The following SMG1 variants were observed in gnomAD, a reference collection of about 807,000 sequenced individuals.
The protein encoded by SMG1 is serine/threonine-protein kinase SMG1.
Under a neutral mutation model 419.9 loss-of-function variants are expected in SMG1, and 22 were observed. The ratio of observed to expected loss-of-function variants is 0.05; its 90% CI spans 0.04 to 0.07. The LOEUF (loss-of-function observed/expected upper bound fraction) is 0.07. SMG1 is among the 10% of genes least tolerant of loss of function. The probability of loss-of-function intolerance (pLI) is 1.00; values close to 1 mark genes in which losing one functional copy is unlikely to be tolerated. For missense variants in SMG1, 3,185 were observed against 4,342.0 expected (o/e 0.73, Z 7.49); for synonymous variants, 1,538 against 1,553.5 (o/e 0.99, Z 0.23).
intron 1 of SMG1, among the ~76,000 whole-genome samples, chr16:18,922,768 C>A (rs1476943400): frequency 6.6e-6 from 1 of 152,034 alleles, no homozygotes; most frequent in Non-Finnish European, 1.5e-5. Flanking sequence ...GTGTGAGCCA[C>A]TGCCCCCGGC....
chr16:18,857,389 G>T (rs554581827), intron 29 of SMG1: 1 of 152,066 alleles, frequency 6.6e-6, no homozygotes, highest in Non-Finnish European at 1.5e-5. Flanking sequence ...TATTCATAGC[G>T]CATTTTACGT....
intron 1 of SMG1, among the ~76,000 whole-genome samples, chr16:18,910,387 T>C (rs2141958355): frequency 6.6e-6 from 1 of 151,990 alleles, no homozygotes; most frequent in South Asian, 2.1e-4. Flanking sequence ...TGCACCACCA[T>C]GCCCAGCTAA....
At position 18,896,938 on chromosome 16, in the gene SMG1, G is replaced by A. The variant is rs1454809815; in HGVS notation, c.111C>T (p.Ala37=). The change falls in exon 2 of 63, where the codon GCC becomes GCT. Residue 37 remains alanine (A), a synonymous_variant. Transcript: ENST00000446231. ...AAGAATATTTTAAATTATCTGGGTC[G>A]GCTGATGCACTATCAGTTCTATAAA... is the stretch of plus-strand genomic sequence containing the variant. ...DWQPRTDSAS[A]DPDNLKYSSS... 7.6e-6 allele frequency: 12 copies of A among 1,572,020 alleles called. No homozygotes were observed. The highest frequency in any genetic ancestry group is 5.5e-5 in the Admixed American group (3 of 54,180).
At chr16:18,816,561 G>C in intron 57 of SMG1, 32 bp from the exon 58 acceptor site, 1 of 1,568,056 alleles carries the variant, frequency 6.4e-7, no homozygotes, top group South Asian at 1.1e-5. Flanking sequence ...TTGACTTCGA[G>C]TATCAGCTGA....
Position 18,921,778 on chromosome 16 carries a change from T to C in SMG1, c.92+4172A>G, listed in dbSNP as rs1337684203. 3.9e-5 allele frequency among the ~76,000 whole-genome samples: 6 copies of C among 152,352 alleles called. No homozygotes were observed. The East Asian group carries it at 7.7e-4, about 20-fold the overall frequency. On this transcript the variant is annotated intron_variant, in intron 1 of 62. Transcript: ENST00000446231. ...CAGCTTCTCACAACATCAGACATACTAGTATACAGCTTTTCTAATTTCACA... is the reference window on the plus strand; with the variant it reads ...CAGCTTCTCACAACATCAGACATACCAGTATACAGCTTTTCTAATTTCACA...
intron 1 of SMG1, among the ~76,000 whole-genome samples, chr16:18,912,409 TGTTA>T (rs370535961): frequency 4.2e-4 from 64 of 152,150 alleles, no homozygotes; most frequent in African/African-American, 1.5e-3. Flanking sequence ...GGTGATAGTA[TGTTA>T]ATTAGCATGA....
chr16:18,919,589 A>G (rs2038104462), intron 1 of SMG1, among the ~76,000 whole-genome samples: 3 of 148,226 alleles, frequency 2.0e-5, no homozygotes, highest in Non-Finnish European at 4.5e-5. Context: ...GCGCCACTGC[A>G]CTCTAGCCTG....
At chr16:18,905,615 ATTTTTT>A (rs35576204) in intron 1 of SMG1, among the ~76,000 whole-genome samples, 1 of 135,250 alleles carries the variant, frequency 7.4e-6, no homozygotes, top group Non-Finnish European at 1.6e-5. Context: ...TCTTCATTTC[ATTTTTT>A]TTTTTTTTTG....
chr16:18,860,981 C>T, intron 25 of SMG1: 4 of 449,038 alleles, frequency 8.9e-6, no homozygotes, highest in Non-Finnish European at 1.6e-5. Context: ...ATTGGAGTGG[C>T]AAACCAGAAA....
intron 1 of SMG1, among the ~76,000 whole-genome samples, chr16:18,924,561 T>C (rs372123524): frequency 7.9e-5 from 12 of 152,334 alleles, no homozygotes; most frequent in African/African-American, 2.9e-4. Context: ...AAACTAAGCA[T>C]GTCAATCATA....
chr16:18,885,839 G>A (rs1457007165), intron 6 of SMG1, among the ~76,000 whole-genome samples, 173 bp from the exon 7 acceptor site: 1 of 151,924 alleles, frequency 6.6e-6, no homozygotes, highest in Non-Finnish European at 1.5e-5. Context: ...CCAACTACCT[G>A]GGAGGCTGAG....
chr16:18,810,653 CAG>C (rs2031301838), intron 62 of SMG1, among the ~76,000 whole-genome samples: 1 of 152,078 alleles, frequency 6.6e-6, no homozygotes, highest in South Asian at 2.1e-4. Flanking sequence ...GTCGGAGGAA[CAG>C]GGGGTTCAGA....
At chr16:18,832,848 T>G in intron 51 of SMG1, 92 bp downstream of exon 51, 5 of 1,154,112 alleles carry the variant, frequency 4.3e-6, no homozygotes, top group East Asian at 2.4e-5. Context: ...CTCTAAAAAC[T>G]AAAAGTAAAC....
At chr16:18,869,448 TC>T in intron 19 of SMG1, 145 bp from the exon 20 acceptor site, 1 of 686,316 alleles carries the variant, frequency 1.5e-6, no homozygotes. Context: ...AAGCATTGTG[TC>T]CCCCCTCTCA....
chr16:18,876,679 T>TA (rs1555500386), intron 12 of SMG1, among the ~76,000 whole-genome samples: 30 of 151,342 alleles, frequency 2.0e-4, no homozygotes, highest in East Asian at 3.9e-4. Flanking sequence ...TTTTTTTTTT[T>TA]AAATAATCAA....
chr16:18,817,391 G>A lies in SMG1; in HGVS notation c.9974C>T (p.Ala3325Val), dbSNP rs748879392. ...RTAEALNLDAALFELIKRCQQ... is the reference protein window; with the variant it reads ...RTAEALNLDAVLFELIKRCQQ... ...ACATCGCTTGATTAGTTCAAATAACGCCGCATCCAGGTTTAAGGCTTCTGC... is the reference window on the plus strand; with the variant it reads ...ACATCGCTTGATTAGTTCAAATAACACCGCATCCAGGTTTAAGGCTTCTGC... The change falls in exon 57 of 63, where the codon GCG becomes GTG. Residue 3325 changes from alanine to valine, a missense_variant. Physicochemically the swap from Ala to Val is moderately conservative, Grantham distance 64 (BLOSUM62 0). Coordinates refer to ENST00000446231, the MANE Select transcript of SMG1 (RefSeq NM_015092.5). The A allele has an allele frequency of 3.1e-6, 5 of 1,607,952 alleles. No individual in the cohort carries two copies. The highest frequency in any genetic ancestry group is 1.1e-5 in the South Asian group (1 of 89,930).
At chr16:18,888,820 C>CTTTTTTTTT (rs71141087) in intron 6 of SMG1, among the ~76,000 whole-genome samples, 1 of 112,018 alleles carries the variant, frequency 8.9e-6, no homozygotes, top group Non-Finnish European at 1.8e-5. Flanking sequence ...CAACATGTAT[C>CTTTTTTTTT]TTTTTTTTTT....
rs767408814 is a variant in SMG1 at position 18,882,324 on chromosome 16, C to A, written c.1134G>T (p.Val378=). The change falls in exon 10 of 63, where the codon GTG becomes GTT. Residue 378 remains valine, a synonymous_variant. Transcript: ENST00000446231. The part of the protein sequence containing the change: ...MEAYAEDLSH[V]ASGESVDEDV... ...CTTCATCCACTGATTCCCCAGAGGC[C>A]ACATGGCTGAGGTCCTAGATGTGAA... 4 of 1,605,466 alleles carry A rather than the reference C, an allele frequency of 2.5e-6. No homozygotes were observed. The highest frequency in any genetic ancestry group is 1.1e-5 in the South Asian group (1 of 90,304).
intron 1 of SMG1, among the ~76,000 whole-genome samples, chr16:18,900,986 G>C (rs1156514893): frequency 6.6e-6 from 1 of 152,100 alleles, no homozygotes; most frequent in Non-Finnish European, 1.5e-5. Flanking sequence ...CTCTAAATAT[G>C]AGTCTATGGC....
Sources: gnomAD v4.1 joint callset for allele counts (sites outside exome capture counted in the v4.1 genomes callset) on GRCh38, gnomAD v4.1.1 for gene constraint, MANE v1.5 for transcripts, NCBI Gene and HGNC (gene_info 2026-07-23, HGNC 2026-07-21) for gene names.